The following HOOK3 variants were observed in gnomAD, a reference collection of about 807,000 sequenced individuals.
HOOK3 encodes the protein hook microtubule tethering protein 3.
In HOOK3, 24 loss-of-function variants were observed where a neutral mutation model predicts 116.3. The ratio of observed to expected loss-of-function variants is 0.21; its 90% CI spans 0.15 to 0.29. The LOEUF (loss-of-function observed/expected upper bound fraction) is 0.29, where lower values mean the gene tolerates loss of function less well. HOOK3 is among the 10% of genes least tolerant of loss of function. HOOK3 has a pLI of 1.00. For synonymous variants in HOOK3, 275 were observed against 283.0 expected (o/e 0.97, Z 0.28); for missense variants, 632 against 830.2 (o/e 0.76, Z 2.93).
chr8:43,011,184 A>G (rs374487599), intron 19 of HOOK3, among the ~76,000 whole-genome samples: 109 of 152,150 alleles, frequency 7.2e-4, no homozygotes, highest in Middle Eastern at 3.4e-3. Flanking sequence ...TAGTAGAGAC[A>G]GGGTTTCACT....
chr8:42,904,933 C>T (rs1807273366), intron 1 of HOOK3, among the ~76,000 whole-genome samples: 2 of 152,116 alleles, frequency 1.3e-5, no homozygotes, highest in South Asian at 2.1e-4. Flanking sequence ...AGAGGATGGC[C>T]TGTGTCTGTC....
Position 43,029,421 on chromosome 8 carries a change from T to TA in HOOK3, c.*10924dup, listed in dbSNP as rs1354980898. ...CATTGGCCTCCTGAAGTGCTGGGAT[T>TA]ACAGGCATGAGCCACTGCGCCCGGC... is the stretch of plus-strand genomic sequence containing the variant. On this transcript the variant is annotated 3_prime_UTR_variant, in exon 22 of 22. Transcript: ENST00000307602. 1.2e-5 allele frequency: 2 copies of TA among 173,884 alleles called. No homozygotes were observed. The highest frequency in any genetic ancestry group is 2.5e-5 in the Non-Finnish European group (2 of 80,444). The allele number at this position is 173,884 out of a possible 1,614,324, so 10.8% of individuals were successfully genotyped here.
chr8:42,973,966 A>G (rs547596168), intron 12 of HOOK3, 141 bp from the exon 13 acceptor site: 8 of 678,428 alleles, frequency 1.2e-5, no homozygotes, highest in East Asian at 5.1e-5. Context: ...TCCTCCTTCT[A>G]TGATCTTTCC....
chr8:42,897,589 G>A (rs1372833554), intron 1 of HOOK3, among the ~76,000 whole-genome samples: 1 of 152,264 alleles, frequency 6.6e-6, no homozygotes, highest in South Asian at 2.1e-4. Context: ...CTGTGAGGGA[G>A]CGTGGGGAGA....
At chr8:42,927,245 G>GTTTTTTTTTTGT (rs1389225180) in intron 3 of HOOK3, among the ~76,000 whole-genome samples, 1,833 of 119,202 alleles carry the variant, frequency 0.015, 12 homozygotes, top group Non-Finnish European at 0.022. Flanking sequence ...AATGGCACTG[G>GTTTTTTTTTTGT]TTTTTTTTTT....
At chr8:42,931,927 G>A (rs187562976) in intron 4 of HOOK3, among the ~76,000 whole-genome samples, 178 of 152,182 alleles carry the variant, frequency 1.2e-3, no homozygotes, top group African/African-American at 4.2e-3. Context: ...GCTAATTTTT[G>A]TATTTTTGGT....
chr8:42,952,594 G>A (rs961264129), intron 6 of HOOK3, among the ~76,000 whole-genome samples: 3 of 152,170 alleles, frequency 2.0e-5, no homozygotes, highest in African/African-American at 7.2e-5. Context: ...GTGGCCAGCT[G>A]CCATCTGGAG....
At chr8:42,899,823 C>T (rs1208072653) in intron 1 of HOOK3, among the ~76,000 whole-genome samples, 1 of 152,216 alleles carries the variant, frequency 6.6e-6, no homozygotes, top group Admixed American at 6.5e-5. Context: ...TTTGGGATGA[C>T]AGCCTTATGT....
intron 13 of HOOK3, among the ~76,000 whole-genome samples, chr8:42,979,292 C>A (rs1808888825): frequency 6.6e-6 from 1 of 152,082 alleles, no homozygotes; most frequent in Non-Finnish European, 1.5e-5. Flanking sequence ...TGATCCTTTT[C>A]TTTTAAGTAC....
At chr8:42,962,404 T>G (rs1808550448) in intron 8 of HOOK3, among the ~76,000 whole-genome samples, 1 of 148,782 alleles carries the variant, frequency 6.7e-6, no homozygotes. Context: ...ACCTGGCCCG[T>G]GTGTTTTTTT....
At chr8:42,943,251 GTTTT>G (rs373167898) in intron 4 of HOOK3, 58 bp from the exon 5 acceptor site, 5 of 873,830 alleles carry the variant, frequency 5.7e-6, no homozygotes, top group Non-Finnish European at 6.2e-6. Flanking sequence ...CCTCGATCAA[GTTTT>G]TTTTTTTTTT....
chr8:42,907,448 C>G (rs182729862), intron 2 of HOOK3, among the ~76,000 whole-genome samples: 2 of 152,224 alleles, frequency 1.3e-5, no homozygotes, highest in African/African-American at 4.8e-5. Context: ...TAATGAAGCT[C>G]AAGAAGGCTC....
At position 43,026,181 on chromosome 8, in the gene HOOK3, T is replaced by C. The variant is rs1809930342; in HGVS notation, c.*7683T>C. 4.9e-6 allele frequency: 1 copy of C among 203,652 alleles called. No homozygotes were observed. Among genetic ancestry groups the C allele is most frequent in the South Asian group, 1.9e-4 (1 of 5,258 alleles). The allele number at this position is 203,652 out of a possible 1,614,324, so 12.6% of individuals were successfully genotyped here. On this transcript the variant is annotated 3_prime_UTR_variant, in exon 22 of 22. Transcript: ENST00000307602. ...AAAATTAATAAAAAGGACTCATGTT[T>C]ATTCTGGTGTATTTGTCAACCCATG...
At position 43,028,354 on chromosome 8, in the gene HOOK3, C is replaced by A. The variant is rs1053750956; in HGVS notation, c.*9856C>A. The A allele has an allele frequency of 5.5e-6, 1 of 182,220 alleles. No individual in the cohort carries two copies. The highest frequency in any genetic ancestry group is 9.0e-5 in the East Asian group (1 of 11,126). 11.3% of individuals were successfully genotyped at this position (182,220 alleles called of 1,614,324 possible). A position where few individuals can be genotyped will look rare whatever the true frequency, so the allele number is the denominator to read the frequency against. On this transcript the variant is annotated 3_prime_UTR_variant, in exon 22 of 22. Transcript: ENST00000307602. The stretch of plus-strand genomic sequence containing the variant: ...CTGGGTGGCAAAGCAAGACCCCTGT[C>A]TCTAAAAAAAAATAATATAAATTGA...
chr8:42,917,174 G>C (rs946667227), intron 2 of HOOK3, among the ~76,000 whole-genome samples: 2 of 152,214 alleles, frequency 1.3e-5, no homozygotes, highest in Non-Finnish European at 2.9e-5. Flanking sequence ...GTAACAGCCA[G>C]TGGAAAAGAA....
chr8:42,979,458 T>C (rs955426137), intron 13 of HOOK3, among the ~76,000 whole-genome samples: 4 of 152,208 alleles, frequency 2.6e-5, no homozygotes, highest in African/African-American at 4.8e-5. Context: ...TCCTTTGTTA[T>C]CAGCTGGGGA....
In HOOK3 at chr8:43,026,150, T is replaced by C. The variant is rs774182218; in HGVS notation, c.*7652T>C. On this transcript the variant is annotated 3_prime_UTR_variant, in exon 22 of 22. Transcript: ENST00000307602. ...AGGAAAATAATTACTTTAGCAGTTA[T>C]GTTGTAAAATTAATAAAAAGGACTC... 2.2e-4 allele frequency: 46 copies of C among 205,802 alleles called. No homozygotes were observed. Among genetic ancestry groups the C allele is most frequent in the Admixed American group, 1.3e-3 (21 of 16,734 alleles). 12.7% of individuals were successfully genotyped at this position (205,802 alleles called of 1,614,324 possible).
rs777587699 is a variant in HOOK3 at position 42,986,687 on chromosome 8, A to C, written c.1424A>C (p.Lys475Thr). 6.2e-7 allele frequency: 1 copy of C among 1,613,440 alleles called. No homozygotes were observed. Among genetic ancestry groups the C allele is most frequent in the East Asian group, 2.2e-5 (1 of 44,870 alleles). Reference protein sequence around the residue: ...EKLIRLQHENKMLKLNQEGSD... With the variant: ...EKLIRLQHENTMLKLNQEGSD... ...CTTATTCGTCTTCAGCATGAGAATA[A>C]GATGTTAAAGCTTAACCAAGAAGGT... The change falls in exon 15 of 22, where the codon AAG becomes ACG. Residue 475 changes from lysine (K) to threonine (T), a missense_variant. Lys to Thr is a moderately conservative substitution (Grantham distance 78). Coordinates refer to ENST00000307602, the MANE Select transcript of HOOK3 (RefSeq NM_032410.4).
At chr8:43,016,322 G>A (rs144533471) in intron 21 of HOOK3, among the ~76,000 whole-genome samples, 2,238 of 151,834 alleles carry the variant, frequency 0.015, 32 homozygotes, top group Non-Finnish European at 0.022. Flanking sequence ...GGGTTTCACC[G>A]TTTTAGCCAG....
Sources: allele counts gnomAD v4.1 joint callset (sites outside exome capture counted in the v4.1 genomes callset), GRCh38; gene constraint gnomAD v4.1.1; transcripts MANE v1.5; gene names NCBI Gene and HGNC (gene_info 2026-07-23, HGNC 2026-07-21).